The following BBS9 variants were observed in gnomAD, a reference collection of about 807,000 sequenced individuals.
The protein encoded by BBS9 is protein PTHB1.
BBS9 carries 89 observed loss-of-function variants against 117.7 expected under a neutral mutation model. That is an observed-to-expected ratio of 0.76 (90% CI 0.64 to 0.90). The LOEUF (loss-of-function observed/expected upper bound fraction) is 0.90, where lower values mean the gene tolerates loss of function less well. Among genes scored for constraint, BBS9 ranks in the 40% least tolerant of loss-of-function variants. The pLI is 0.00. For synonymous variants in BBS9, 379 were observed against 370.9 expected (o/e 1.02, Z -0.25); for missense variants, 982 against 1,042.2 (o/e 0.94, Z 0.80).
chr7:33,393,170 C>G (rs563225492), intron 19 of BBS9, among the ~76,000 whole-genome samples: 3 of 149,996 alleles, frequency 2.0e-5, no homozygotes, highest in Non-Finnish European at 4.4e-5. Flanking sequence ...TGTCTCAAAA[C>G]AAACAAACAA....
chr7:33,282,811 A>C (rs937959248), intron 9 of BBS9, among the ~76,000 whole-genome samples: 3 of 152,218 alleles, frequency 2.0e-5, no homozygotes, highest in African/African-American at 7.2e-5. Flanking sequence ...CTAAACAAGA[A>C]TAGAAAAAAA....
At chr7:33,503,580 G>T (rs1340041392) in intron 19 of BBS9, among the ~76,000 whole-genome samples, 1 of 152,048 alleles carries the variant, frequency 6.6e-6, no homozygotes, top group Non-Finnish European at 1.5e-5. Context: ...GATTAGATCT[G>T]TCACCATTGA....
chr7:33,146,968 A>G (rs1458032813), intron 2 of BBS9, among the ~76,000 whole-genome samples: 1 of 152,164 alleles, frequency 6.6e-6, no homozygotes, highest in Admixed American at 6.5e-5. Flanking sequence ...GACAGTTAGT[A>G]AAATATTTTG....
chr7:33,294,359 G>GTCCA (rs111245225), intron 9 of BBS9, among the ~76,000 whole-genome samples: 12,435 of 139,738 alleles, frequency 0.089, 619 homozygotes, highest in African/African-American at 0.13. Flanking sequence ...CTATCTCTTT[G>GTCCA]TCCATCCATC....
chr7:33,548,781 A>G (rs1383894813), intron 21 of BBS9, among the ~76,000 whole-genome samples: 10 of 151,162 alleles, frequency 6.6e-5, no homozygotes, highest in Admixed American at 6.6e-4. Context: ...AAAAGAGGAT[A>G]CAAACAAATG....
chr7:33,266,257 T>TA (rs1798802033), intron 7 of BBS9, among the ~76,000 whole-genome samples: 1 of 152,198 alleles, frequency 6.6e-6, no homozygotes, highest in Non-Finnish European at 1.5e-5. Context: ...TGTTACACGA[T>TA]AGTCACTTTG....
rs373231605 is a variant in BBS9 at position 33,612,959 on chromosome 7, TAGAGATCTATTCATTCAAC to T, written c.2522-22215_2522-22197del. Among the ~76,000 whole-genome samples, 339 of 152,206 alleles carry T rather than the reference TAGAGATCTATTCATTCAAC, an allele frequency of 2.2e-3. 2 individuals are homozygous for T. Among genetic ancestry groups the T allele is most frequent in the African/African-American group, 7.8e-3 (323 of 41,560 alleles). On this transcript the variant is annotated intron_variant, in intron 21 of 21. Coordinates refer to the BBS9 transcript ENST00000671952. ...TCACCTCATTTTTATATGCACTAAATAGAGATCTATTCATTCAACAGCAAAATTAAGTTGTTTTCAGACA... is the reference window on the plus strand; with the variant it reads ...TCACCTCATTTTTATATGCACTAAATAGCAAAATTAAGTTGTTTTCAGACA...
chr7:33,606,936 T>C (rs759722820), downstream of BBS9, among the ~76,000 whole-genome samples: 8 of 152,154 alleles, frequency 5.3e-5, no homozygotes, highest in Non-Finnish European at 1.2e-4. Context: ...AAATCATTTC[T>C]ATAATGGAAT....
chr7:33,165,995 G>A (rs2128135122), intron 4 of BBS9, among the ~76,000 whole-genome samples: 1 of 152,290 alleles, frequency 6.6e-6, no homozygotes, highest in South Asian at 2.1e-4. Flanking sequence ...GGTCTTTGAT[G>A]TTGGTGACCT....
chr7:33,419,612 T>C (rs1252702626), intron 19 of BBS9, among the ~76,000 whole-genome samples: 2 of 152,190 alleles, frequency 1.3e-5, no homozygotes, highest in African/African-American at 4.8e-5. Flanking sequence ...ATATATTAGA[T>C]AACTTTTTTT....
At chr7:33,254,044 C>T (rs1796638509) in intron 5 of BBS9, among the ~76,000 whole-genome samples, 1 of 152,158 alleles carries the variant, frequency 6.6e-6, no homozygotes, top group African/African-American at 2.4e-5. Context: ...ATCCACTTAA[C>T]AATGATATTT....
At chr7:33,321,307 T>C (rs1341566790) in intron 9 of BBS9, among the ~76,000 whole-genome samples, 5 of 152,040 alleles carry the variant, frequency 3.3e-5, no homozygotes. Context: ...ATTGAGTGTA[T>C]AGATTGCTTT....
chr7:33,585,874 G>C lies in BBS9; in HGVS notation c.2522-18991G>C, dbSNP rs141681069. Among the ~76,000 whole-genome samples the C allele has an allele frequency of 1.5e-3, 226 of 151,878 alleles. 1 individual carries two copies. The highest frequency in any genetic ancestry group is 1.3e-3 in the Non-Finnish European group (88 of 67,902). ...TTCTCTCACTACTGCAGTGTGCTTT[G>C]GTAGAAAATACTCATGACACAGCAG... On this transcript the variant is annotated intron_variant, in intron 21 of 22. Transcript: ENST00000242067.
chr7:33,312,475 A>T (rs1809477071), intron 9 of BBS9, among the ~76,000 whole-genome samples: 1 of 151,632 alleles, frequency 6.6e-6, no homozygotes, highest in Non-Finnish European at 1.5e-5. Context: ...CAAATGCCGC[A>T]TAGATATTGA....
intron 20 of BBS9, among the ~76,000 whole-genome samples, chr7:33,515,599 A>C (rs1036909054): frequency 1.3e-5 from 2 of 152,238 alleles, no homozygotes; most frequent in Non-Finnish European, 2.9e-5. Context: ...AATTTTAGGC[A>C]AATTGATGTT....
At chr7:33,146,106 A>G in intron 1 of BBS9, 136 bp from the exon 2 acceptor site, 1 of 641,182 alleles carries the variant, frequency 1.6e-6, no homozygotes, top group Non-Finnish European at 2.7e-6. Flanking sequence ...TGTGGTTTCA[A>G]ATATGTGTAC....
intron 5 of BBS9, among the ~76,000 whole-genome samples, chr7:33,189,505 G>A (rs1783695419): frequency 6.6e-6 from 1 of 150,730 alleles, no homozygotes. Context: ...AGACCCTTTG[G>A]AAAAAAAAGA....
chr7:33,546,088 C>T (rs959135827), intron 21 of BBS9, among the ~76,000 whole-genome samples: 6 of 151,672 alleles, frequency 4.0e-5, no homozygotes, highest in South Asian at 2.1e-4. Flanking sequence ...CGCCTGCCAC[C>T]GCGCCTGGCT....
chr7:33,439,759 C>T (rs191150913), intron 19 of BBS9, among the ~76,000 whole-genome samples: 4 of 152,300 alleles, frequency 2.6e-5, no homozygotes, highest in African/African-American at 9.6e-5. Flanking sequence ...GATCTCCTGA[C>T]CTCGTGGTCC....
Sources: gnomAD v4.1 joint callset for allele counts (sites outside exome capture counted in the v4.1 genomes callset) on GRCh38, gnomAD v4.1.1 for gene constraint, MANE v1.5 for transcripts, NCBI Gene and HGNC (gene_info 2026-07-23, HGNC 2026-07-21) for gene names.